Variants in ARHGEF18 observed in about 807,000 individuals in gnomAD.
ARHGEF18 encodes the protein Rho/Rac guanine nucleotide exchange factor 18.
Under a neutral mutation model 155.7 loss-of-function variants are expected in ARHGEF18, and 93 were observed. The ratio of observed to expected loss-of-function variants is 0.60; its 90% confidence interval spans 0.50 to 0.71. ARHGEF18 has a LOEUF of 0.71. Ranked by LOEUF, ARHGEF18 falls within the 30% of genes least tolerant of loss-of-function variation. The pLI, the probability that ARHGEF18 is intolerant of heterozygous loss-of-function variation, is 0.00. For synonymous variants in ARHGEF18, 742 were observed against 753.1 expected (o/e 0.99, Z 0.24); for missense variants, 1,593 against 1,816.1 (o/e 0.88, Z 2.23).
chr19:7,350,049 G>T (rs997141892), intron 1 of ARHGEF18, among the ~76,000 whole-genome samples: 2 of 152,154 alleles, frequency 1.3e-5, no homozygotes, highest in Non-Finnish European at 2.9e-5. Context: ...TCCAGGTGAG[G>T]GTTCTCCCCC....
intron 10 of ARHGEF18, among the ~76,000 whole-genome samples, chr19:7,393,435 C>T (rs942339856): frequency 2.6e-5 from 4 of 152,152 alleles, no homozygotes; most frequent in Non-Finnish European, 4.4e-5. Flanking sequence ...CTCAAAGCTC[C>T]TGGACTCAAG....
intron 10 of ARHGEF18, among the ~76,000 whole-genome samples, chr19:7,425,877 G>C (rs923059107): frequency 6.6e-6 from 1 of 152,028 alleles, no homozygotes; most frequent in Non-Finnish European, 1.5e-5. Context: ...GTGTGTGCCC[G>C]TAGTCCCAGC....
In ARHGEF18 at chr19:7,398,852, G is replaced by A. The variant is rs144178389; in HGVS notation, c.967+15649G>A. On this transcript the variant is annotated intron_variant, in intron 10 of 28. Transcript: ENST00000668164. Reference sequence around the variant, plus strand: ...GTATAATTTTCATTCTTGTCACACAGTAGCAATTACGGCTTCAAGGCCATT... The same window carrying A: ...GTATAATTTTCATTCTTGTCACACAATAGCAATTACGGCTTCAAGGCCATT... Among the ~76,000 whole-genome samples the A allele has an allele frequency of 4.9e-3, 745 of 152,344 alleles. 10 individuals carry two copies. The highest frequency in any genetic ancestry group is 0.017 in the African/African-American group (723 of 41,580).
At chr19:7,431,925 G>T (rs1306786181) in intron 10 of ARHGEF18, among the ~76,000 whole-genome samples, 1 of 152,184 alleles carries the variant, frequency 6.6e-6, no homozygotes, top group African/African-American at 2.4e-5. Context: ...TATTTTGGGG[G>T]TTTGACGTGT....
At chr19:7,464,731 A>G in intron 23 of ARHGEF18, 41 bp downstream of exon 23, 1 of 1,608,810 alleles carries the variant, frequency 6.2e-7, no homozygotes, top group Non-Finnish European at 8.5e-7. Flanking sequence ...CTGAGTCGTC[A>G]TAAGGATTCA....
intron 18 of ARHGEF18, among the ~76,000 whole-genome samples, chr19:7,457,825 C>T (rs985088065): frequency 7.2e-5 from 11 of 152,122 alleles, no homozygotes; most frequent in Admixed American, 3.3e-4. Flanking sequence ...TTGAAGGATG[C>T]GTGACAGACT....
At position 7,464,659 on chromosome 19, in the gene ARHGEF18, T is replaced by C. The variant is rs770646830; in HGVS notation, c.2873T>C (p.Ile958Thr). Residue 958 changes from isoleucine (I) to threonine (T), a missense_variant, in exon 23 of 29, where the codon ATT becomes ACT. Coordinates refer to ENST00000668164, the MANE Select transcript of ARHGEF18 (RefSeq NM_001367823.1). ...GACTTGAAGCTCAGTGACAGTGACA[T>C]TCCTGGGAGCTCTGAGGAATCGCCG... ...SPDLKLSDSD[I>T]PGSSEESPQV... The C allele has an allele frequency of 4.3e-6, 7 of 1,614,044 alleles. No individual in the cohort carries two copies. Among genetic ancestry groups the C allele is most frequent in the Non-Finnish European group, 5.9e-6 (7 of 1,179,998 alleles).
chr19:7,412,122 G>A (rs926929614), intron 10 of ARHGEF18, among the ~76,000 whole-genome samples: 44 of 150,706 alleles, frequency 2.9e-4, no homozygotes, highest in Non-Finnish European at 8.9e-5. Flanking sequence ...TGCAACCTCT[G>A]CCTCCCGGGT....
At chr19:7,456,256 C>A in intron 17 of ARHGEF18, 71 bp from the exon 18 acceptor site, 1 of 1,416,350 alleles carries the variant, frequency 7.1e-7, no homozygotes, top group Non-Finnish European at 1.0e-6. Context: ...AAGTGGCATC[C>A]GCGGGGGTGG....
intron 2 of ARHGEF18, among the ~76,000 whole-genome samples, chr19:7,371,017 C>A (rs1970179926): frequency 6.6e-6 from 1 of 151,868 alleles, no homozygotes; most frequent in African/African-American, 2.4e-5. Flanking sequence ...TTCAAGTGAT[C>A]CTCCCACCTC....
At chr19:7,375,366 G>GAAGA (rs1444335275) in intron 3 of ARHGEF18, among the ~76,000 whole-genome samples, 3 of 139,580 alleles carry the variant, frequency 2.1e-5, no homozygotes, top group Admixed American at 7.4e-5. Context: ...AGGAAGGAAG[G>GAAGA]AAGGAAGGAA....
At chr19:7,443,466 G>A (rs559147224) in intron 13 of ARHGEF18, among the ~76,000 whole-genome samples, 1 of 152,236 alleles carries the variant, frequency 6.6e-6, no homozygotes, top group Admixed American at 6.5e-5. Flanking sequence ...CTCCCAGAGT[G>A]CTGGGATTAC....
intron 1 of ARHGEF18, among the ~76,000 whole-genome samples, chr19:7,350,296 G>T (rs1014314985): frequency 6.6e-6 from 1 of 152,112 alleles, no homozygotes; most frequent in Non-Finnish European, 1.5e-5. Context: ...GACAGCTGGG[G>T]CCAGAGAGGA....
chr19:7,427,763 T>C (rs1973744512), intron 10 of ARHGEF18, among the ~76,000 whole-genome samples: 1 of 151,532 alleles, frequency 6.6e-6, no homozygotes, highest in Non-Finnish European at 1.5e-5. Flanking sequence ...CTGAGAAACA[T>C]GGTGAAACCC....
intron 13 of ARHGEF18, among the ~76,000 whole-genome samples, chr19:7,442,797 G>A (rs75070179): frequency 0.017 from 2,630 of 152,290 alleles, 75 homozygotes; most frequent in African/African-American, 0.054. Context: ...CCAAGGCGGC[G>A]GCAGACTTAG....
chr19:7,415,121 C>T (rs1056121545), intron 10 of ARHGEF18, among the ~76,000 whole-genome samples: 6 of 152,146 alleles, frequency 3.9e-5, no homozygotes, highest in African/African-American at 1.4e-4. Flanking sequence ...CTCCCAAGAC[C>T]GCTTTCAACA....
rs753738008 is a variant in ARHGEF18, at chr19:7,440,039, G to GAGGCATA, written c.968-303_968-297dup. ...CTCTGTTTTCTAGAAGGATCCCACCGAGGCATAAAAACGGCGCAGCCCAGC... is the reference window on the plus strand; with the variant it reads ...CTCTGTTTTCTAGAAGGATCCCACCGAGGCATAAGGCATAAAAACGGCGCAGCCCAGC... On this transcript the variant is annotated intron_variant, in intron 10 of 28. Transcript: ENST00000668164. This position sits in a 1 kb window ranked among gnomAD's most constrained non-coding sequence, Gnocchi z 5.4. The GAGGCATA allele has an allele frequency of 6.4e-7, 1 of 1,550,712 alleles. No individual in the cohort carries two copies. The highest frequency in any genetic ancestry group is 1.4e-5 in the African/African-American group (1 of 73,120).
intron 10 of ARHGEF18, among the ~76,000 whole-genome samples, chr19:7,436,126 G>A (rs1168521619): frequency 6.6e-6 from 1 of 151,796 alleles, no homozygotes; most frequent in Non-Finnish European, 1.5e-5. Flanking sequence ...ATCAAAGGAG[G>A]GTTTACATAT....
chr19:7,478,455 C>T, the ARHGEF18 span: 1 of 1,404,328 alleles, frequency 7.1e-7, no homozygotes, highest in Non-Finnish European at 9.8e-7. Context: ...CCCGGACATA[C>T]AGTCTGGGAC....
Sources: gnomAD v4.1 joint callset for allele counts (sites outside exome capture counted in the v4.1 genomes callset) on GRCh38, gnomAD v4.1.1 for gene constraint, Gnocchi (gnomAD v3.1) non-coding constraint, MANE v1.5 for transcripts, NCBI Gene and HGNC (gene_info 2026-07-23, HGNC 2026-07-21) for gene names.